MBD4: variants seen among roughly 807,000 people sequenced by gnomAD.
The protein encoded by MBD4 is methyl-CpG-binding domain protein 4.
A neutral mutation model predicts 60.2 loss-of-function variants in MBD4; 53 were observed. The ratio of observed to expected loss-of-function variants is 0.88; its 90% CI spans 0.71 to 1.11. MBD4 has a LOEUF of 1.11. Ranked by LOEUF, MBD4 falls within the 50% of genes least tolerant of loss-of-function variation. MBD4 has a pLI of 0.00. For missense variants in MBD4, 619 were observed against 674.0 expected, an observed-to-expected ratio of 0.92 and a Z score of 0.90; for synonymous variants, 231 against 229.8, an observed-to-expected ratio of 1.01 and a Z score of -0.05.
rs2072339581 is a variant in MBD4, at chr3:129,431,350, C to T, written c.*151G>A. On this transcript the variant is annotated 3_prime_UTR_variant, in exon 8 of 8. Transcript: ENST00000429544. ...AACACATTCAGTAGCAAAGATCCACCATTGGCACACACATTAAGAAAGCAC... is the reference window on the plus strand; with the variant it reads ...AACACATTCAGTAGCAAAGATCCACTATTGGCACACACATTAAGAAAGCAC... 1.5e-6 allele frequency: 1 copy of T among 681,468 alleles called. No individual in the cohort carries two copies. Among genetic ancestry groups the T allele is most frequent in the East Asian group, 2.5e-5 (1 of 39,834 alleles). 42.2% of individuals were successfully genotyped at this position (681,468 alleles called of 1,614,324 possible).
chr3:129,439,947 A>C lies in MBD4; in HGVS notation c.-114T>G, dbSNP rs553106604. On this transcript the variant is annotated 5_prime_UTR_variant, in exon 1 of 8. Transcript: ENST00000429544. Reference sequence around the variant, plus strand: ...GCACCGGGCTGCAACCGAGGTCTGAATGTTGCGAAAGCGCCCCAGACGCCG... The same window carrying C: ...GCACCGGGCTGCAACCGAGGTCTGACTGTTGCGAAAGCGCCCCAGACGCCG... 1 of 840,360 alleles carries C rather than the reference A, an allele frequency of 1.2e-6. No individual in the cohort carries two copies. Among genetic ancestry groups the C allele is most frequent in the Non-Finnish European group, 2.0e-6 (1 of 504,398 alleles). The allele number at this position is 840,360 out of a possible 1,614,324, so 52.1% of individuals were successfully genotyped here.
chr3:129,437,934 T>C lies in MBD4; in HGVS notation c.121A>G (p.Met41Val), dbSNP rs1171881633. The change falls in exon 2 of 8, where the codon ATG (methionine) becomes GTG (valine). Residue 41 changes from methionine to valine, a missense_variant. Physicochemically the swap from Met to Val is conservative, Grantham distance 21. Coordinates refer to ENST00000429544, the MANE Select transcript of MBD4 (RefSeq NM_001276270.2). ...PNDLRKEDVA[M>V]ELERVGEDEE... ...TCTTCTCCCACTCTTTCCAATTCCATAGCAACATCTTCTTTGCTGGAAAAA... is the reference window on the plus strand; with the variant it reads ...TCTTCTCCCACTCTTTCCAATTCCACAGCAACATCTTCTTTGCTGGAAAAA... 1.2e-6 allele frequency: 2 copies of C among 1,607,518 alleles called. No homozygotes were observed. Among genetic ancestry groups the C allele is most frequent in the Admixed American group, 1.7e-5 (1 of 60,010 alleles).
Position 129,434,795 on chromosome 3 carries a change from A to G in MBD4, c.1184-659T>C, listed in dbSNP as rs1303218436. On this transcript the variant is annotated intron_variant, in intron 3 of 7. Transcript: ENST00000429544. ...TGAACACTTACTTTTACGCTTACCAAAAAAAGGGATACAGACAAAACAGAA... is the reference window on the plus strand; with the variant it reads ...TGAACACTTACTTTTACGCTTACCAGAAAAAGGGATACAGACAAAACAGAA... Among the ~76,000 whole-genome samples, 3 of 152,170 alleles carry G rather than the reference A, an allele frequency of 2.0e-5. No individual in the cohort carries two copies. The East Asian group carries it at 5.8e-4, about 29-fold the overall frequency.
chr3:129,436,745 AG>A lies in MBD4; in HGVS notation c.898del (p.Leu300SerfsTer3). ...GCTGTTTTCTTCACTGGTCACACTG[AG>A]GGTCTCACCACATGCTCCAGCATCA... ...ISDAGACGET[L>X]SVTSEENSLV... On this transcript the variant is annotated frameshift_variant, in exon 3 of 8. Transcript: ENST00000429544. LOFTEE classifies it high-confidence loss of function. The A allele has an allele frequency of 6.2e-7, 1 of 1,613,958 alleles. No individual in the cohort carries two copies. Among genetic ancestry groups the A allele is most frequent in the Non-Finnish European group, 8.5e-7 (1 of 1,179,938 alleles).
At position 129,437,171 on chromosome 3, in the gene MBD4, C is replaced by G; in HGVS notation, c.473G>C (p.Cys158Ser). The G allele has an allele frequency of 1.2e-6, 2 of 1,614,112 alleles. No homozygotes were observed. The highest frequency in any genetic ancestry group is 8.5e-7 in the Non-Finnish European group (1 of 1,179,990). The change falls in exon 3 of 8, where the codon TGC (cysteine) becomes TCC (serine). Residue 158 changes from cysteine (C) to serine (S), a missense_variant. By Grantham distance (112) the Cys-to-Ser change is moderately radical (BLOSUM62 -1). Coordinates refer to ENST00000429544, the MANE Select transcript of MBD4 (RefSeq NM_001276270.2). ...ATGGGATGTCAGGGCTGCCATGCTG[C>G]AGTCTTTATATCTTGACTTGATACC... The part of the protein sequence containing the change: ...KRGIKSRYKD[C>S]SMAALTSHLQ...
intron 7 of MBD4, chr3:129,432,078 A>G: frequency 1.0e-6 from 1 of 1,002,328 alleles, no homozygotes; most frequent in South Asian, 1.9e-5. Context: ...GGCATATTCA[A>G]CAGGGCTGAA....
Position 129,432,497 on chromosome 3 carries a change from C to G in MBD4, c.1647+6G>C. 6.2e-7 allele frequency: 1 copy of G among 1,614,170 alleles called. No individual in the cohort carries two copies. Among genetic ancestry groups the G allele is most frequent in the South Asian group, 1.1e-5 (1 of 91,082 alleles). ...GTGCTGAATTATGGATGGGAGTGAG[C>G]CTCACCTGCTTCCACTCATTGACAC... On this transcript the variant is annotated splice_donor_region_variant and intron_variant, in intron 7 of 7. Transcript: ENST00000429544.
intron 3 of MBD4, 58 bp downstream of exon 3, chr3:129,436,403 C>T (rs778798314): frequency 6.2e-7 from 1 of 1,600,452 alleles, no homozygotes; most frequent in Non-Finnish European, 8.5e-7. Flanking sequence ...ATAAATTTCT[C>T]ATCACATAAT....
In MBD4 at chr3:129,436,781, A is replaced by AC; in HGVS notation, c.862dup (p.Val288GlyfsTer5). 6.2e-7 allele frequency: 1 copy of AC among 1,614,126 alleles called. No individual in the cohort carries two copies. The highest frequency in any genetic ancestry group is 8.5e-7 in the Non-Finnish European group (1 of 1,180,006). On this transcript the variant is annotated frameshift_variant, in exon 3 of 8. Transcript: ENST00000429544. LOFTEE classifies it high-confidence loss of function. ...ACATGCTCCAGCATCAGAAATGCAG[A>AC]CAGTTCTATCAAGCTGACTTTTTTG...
At chr3:129,436,233 C>T (rs373759541) in intron 3 of MBD4, among the ~76,000 whole-genome samples, 2 of 152,262 alleles carry the variant, frequency 1.3e-5, no homozygotes, top group South Asian at 2.1e-4. Context: ...CATGGCATCA[C>T]GACAGCAGTC....
At position 129,436,962 on chromosome 3, in the gene MBD4, C is replaced by A; in HGVS notation, c.682G>T (p.Val228Phe). 6.2e-7 allele frequency: 1 copy of A among 1,614,156 alleles called. No homozygotes were observed. Among genetic ancestry groups the A allele is most frequent in the Non-Finnish European group, 8.5e-7 (1 of 1,180,042 alleles). ...EGVDDVNFRK[V>F]RKPKGKVTIL... ...GTCACCTTTCCTTTGGGCTTTCTAA[C>A]CTTTCTGAAGTTAACATCATCAACA... is the stretch of plus-strand genomic sequence containing the variant. The change falls in exon 3 of 8, where the codon GTT becomes TTT. Residue 228 changes from valine (V) to phenylalanine (F), a missense_variant. Physicochemically the swap from Val to Phe is conservative, Grantham distance 50. Transcript: ENST00000429544.
Position 129,432,533 on chromosome 3 carries a change from G to C in MBD4, c.1617C>G (p.Tyr539Ter). The change falls in exon 7 of 8, where the codon TAC (tyrosine) becomes TAG (stop). Residue 539 changes from tyrosine (Y) to a stop codon, truncating the protein, a stop_gained. Transcript: ENST00000429544. LOFTEE classifies it high-confidence loss of function. ...HGIGKYGNDS[Y>*]RIFCVNEWKQ... ...TCCACTCATTGACACAAAAAATTCG[G>C]TAAGAGTCGTTGCCATATTTACCAA... 6.2e-7 allele frequency: 1 copy of C among 1,614,176 alleles called. No individual in the cohort carries two copies. Among genetic ancestry groups the C allele is most frequent in the South Asian group, 1.1e-5 (1 of 91,074 alleles).
chr3:129,437,592 T>C (rs763901989), intron 2 of MBD4, 128 bp downstream of exon 2: 6 of 727,042 alleles, frequency 8.3e-6, no homozygotes, highest in South Asian at 1.7e-5. Flanking sequence ...AATAGCAACA[T>C]TGAAAGAATA....
chr3:129,435,716 G>T (rs2072445303), intron 3 of MBD4, among the ~76,000 whole-genome samples: 1 of 152,116 alleles, frequency 6.6e-6, no homozygotes, highest in East Asian at 1.9e-4. Context: ...ATTCTTTAAA[G>T]GAGTTATTCA....
chr3:129,438,061 G>A, intron 1 of MBD4, 111 bp from the exon 2 acceptor site: 2 of 708,224 alleles, frequency 2.8e-6, no homozygotes, highest in Non-Finnish European at 5.0e-6. Context: ...ATATTAAAAT[G>A]AGGGAGATTA....
intron 1 of MBD4, among the ~76,000 whole-genome samples, chr3:129,438,731 T>A (rs1221079559): frequency 6.7e-6 from 1 of 149,266 alleles, no homozygotes; most frequent in Non-Finnish European, 1.5e-5. Context: ...CACAGTGAGA[T>A]CCTCGTCTTT....
chr3:129,433,072 T>A, intron 6 of MBD4, 26 bp downstream of exon 6: 1 of 1,613,562 alleles, frequency 6.2e-7, no homozygotes, highest in East Asian at 2.2e-5. Context: ...GTATTATGTT[T>A]TTCCTTTGGG....
rs936616443 is a variant in MBD4, at chr3:129,439,918, C to A, written c.-85G>T. 20 of 980,676 alleles carry A rather than the reference C, an allele frequency of 2.0e-5. No individual in the cohort carries two copies. The East Asian group carries it at 5.1e-4, about 25-fold the overall frequency. The allele number at this position is 980,676 out of a possible 1,614,324, so 60.7% of individuals were successfully genotyped here. A position where few individuals can be genotyped will look rare whatever the true frequency, so the allele number is the denominator to read the frequency against. On this transcript the variant is annotated 5_prime_UTR_variant, in exon 1 of 8. Coordinates refer to ENST00000429544, the MANE Select transcript of MBD4 (RefSeq NM_001276270.2). Reference sequence around the variant, plus strand: ...AGTAAGATGTGAAACCTCTTCAGCTCACGGCACCGGGCTGCAACCGAGGTC... The same window carrying A: ...AGTAAGATGTGAAACCTCTTCAGCTAACGGCACCGGGCTGCAACCGAGGTC...
chr3:129,434,146 AAAAGT>A lies in MBD4; in HGVS notation c.1184-15_1184-11del, dbSNP rs754079742. The A allele has an allele frequency of 6.2e-7, 1 of 1,605,070 alleles. No homozygotes were observed. Among genetic ancestry groups the A allele is most frequent in the South Asian group, 1.1e-5 (1 of 90,860 alleles). ...CGTGGGATGGTATCTTCTGAAAAGG[AAAAGT>A]AAACACTTTATGGAGTCTATGGTTT... On this transcript the variant is annotated splice_polypyrimidine_tract_variant and intron_variant, in intron 3 of 7. Transcript: ENST00000429544.
Sources: allele counts gnomAD v4.1 joint callset (sites outside exome capture counted in the v4.1 genomes callset), GRCh38; gene constraint gnomAD v4.1.1; transcripts MANE v1.5; gene names NCBI Gene and HGNC (gene_info 2026-07-23, HGNC 2026-07-21).